The following ITGA1 variants were observed in gnomAD, a reference collection of about 807,000 sequenced individuals.
The protein encoded by ITGA1 is integrin subunit alpha 1, also known as integrin alpha-1.
Under a neutral mutation model 145.9 loss-of-function variants are expected in ITGA1, and 85 were observed. The ratio of observed to expected loss-of-function variants is 0.58; its 90% CI spans 0.49 to 0.70. The LOEUF (loss-of-function observed/expected upper bound fraction) is 0.70. ITGA1 is among the 30% of genes least tolerant of loss of function. ITGA1 has a pLI of 0.00. For synonymous variants in ITGA1, 520 were observed against 495.3 expected (o/e 1.05, Z -0.66); for missense variants, 1,351 against 1,418.7 (o/e 0.95, Z 0.77).
rs763649629 is a variant in ITGA1, at chr5:52,935,957, C to CTTTTT, written c.2965-1412_2965-1408dup. On this transcript the variant is annotated intron_variant, in intron 23 of 28. Transcript: ENST00000282588. ...ATGGTAATTACAGAACACAGGATTT[C>CTTTTT]TTTTTTTTTTTTTTTTTTTTTTTTT... is the stretch of plus-strand genomic sequence containing the variant. Among the ~76,000 whole-genome samples the CTTTTT allele has an allele frequency of 2.1e-4, 2 of 9,548 alleles. 1 individual carries two copies. The highest frequency in any genetic ancestry group is 3.6e-4 in the Non-Finnish European group (2 of 5,492). The allele number at this position is 9,548 out of a possible 152,430, so 6.3% of individuals were successfully genotyped here.
chr5:52,812,654 G>A (rs972584950), intron 1 of ITGA1, among the ~76,000 whole-genome samples: 7 of 152,114 alleles, frequency 4.6e-5, no homozygotes, highest in Non-Finnish European at 7.4e-5. Flanking sequence ...TTAGCTTTGT[G>A]AGCTTCAATT....
chr5:52,948,970 G>A (rs1751176785), intron 28 of ITGA1: 1 of 152,128 alleles, frequency 6.6e-6, no homozygotes, highest in Non-Finnish European at 1.5e-5. Context: ...GTCTGAAAAA[G>A]CATAAATGTA....
At chr5:52,865,890 T>C (rs1749679630) in intron 6 of ITGA1, 73 bp downstream of exon 6, 2 of 1,245,464 alleles carry the variant, frequency 1.6e-6, no homozygotes, top group Admixed American at 5.8e-5. Context: ...AAACCAAATA[T>C]TCTGAAAGCA....
rs1484185197 is a variant in ITGA1 at position 52,955,210 on chromosome 5, A to C, written c.*2759A>C. 1 of 152,058 alleles carries C rather than the reference A, an allele frequency of 6.6e-6. No homozygotes were observed. The highest frequency in any genetic ancestry group is 1.5e-5 in the Non-Finnish European group (1 of 68,004). 9.4% of individuals were successfully genotyped at this position (152,058 alleles called of 1,614,324 possible). A position where few individuals can be genotyped will look rare whatever the true frequency, so the allele number is the denominator to read the frequency against. Reference sequence around the variant, plus strand: ...TATCATTTGCCAATTTCCATGGTCCAAATATTCTCTCTCCATTTTCAAACT... The same window carrying C: ...TATCATTTGCCAATTTCCATGGTCCCAATATTCTCTCTCCATTTTCAAACT... On this transcript the variant is annotated 3_prime_UTR_variant, in exon 29 of 29. Transcript: ENST00000282588.
chr5:52,858,585 A>ATACT lies in ITGA1; in HGVS notation c.183-2860_183-2857dup, dbSNP rs1232514399. On this transcript the variant is annotated intron_variant, in intron 2 of 28. Coordinates refer to ENST00000282588, the MANE Select transcript of ITGA1 (RefSeq NM_181501.2). ...ATTAATTACTCCAGCCTCAAATTAA[A>ATACT]TACTTTCTAAAATCGTAGGCTCATT... Among the ~76,000 whole-genome samples the ATACT allele has an allele frequency of 2.6e-5, 4 of 152,352 alleles. No individual in the cohort carries two copies. The East Asian group carries it at 7.7e-4, about 29-fold the overall frequency.
intron 1 of ITGA1, among the ~76,000 whole-genome samples, chr5:52,838,000 T>G (rs1055619251): frequency 6.6e-6 from 1 of 152,212 alleles, no homozygotes; most frequent in Non-Finnish European, 1.5e-5. Context: ...AAACAAACTT[T>G]AATGCCCTTT....
chr5:52,905,656 T>C (rs1750390807), intron 11 of ITGA1, 107 bp from the exon 12 acceptor site: 1 of 935,710 alleles, frequency 1.1e-6, no homozygotes, highest in African/African-American at 1.7e-5. Context: ...ATTTTCAAAA[T>C]ATAACCATAT....
At chr5:52,835,855 A>G (rs553858736) in intron 1 of ITGA1, among the ~76,000 whole-genome samples, 1 of 152,336 alleles carries the variant, frequency 6.6e-6, no homozygotes, top group South Asian at 2.1e-4. Context: ...GATGTTAGAA[A>G]GCTTTCGAAA....
intron 1 of ITGA1, among the ~76,000 whole-genome samples, chr5:52,797,939 C>CTTT (rs1748376879): frequency 1.3e-5 from 2 of 152,284 alleles, no homozygotes; most frequent in South Asian, 4.1e-4. Context: ...GGCTTTTAAT[C>CTTT]TTTGGCAGAC....
chr5:52,850,704 GA>G (rs1394572000), intron 2 of ITGA1, among the ~76,000 whole-genome samples: 1 of 152,088 alleles, frequency 6.6e-6, no homozygotes, highest in Non-Finnish European at 1.5e-5. Context: ...GTATAAACTA[GA>G]ATTTGTTGAG....
intron 2 of ITGA1, among the ~76,000 whole-genome samples, chr5:52,859,425 A>G (rs777264050): frequency 6.6e-6 from 1 of 152,190 alleles, no homozygotes; most frequent in Non-Finnish European, 1.5e-5. Context: ...AAAATTATGT[A>G]TTAAAGGGTT....
intron 16 of ITGA1, 142 bp downstream of exon 16, chr5:52,919,040 G>GA: frequency 3.1e-5 from 21 of 679,594 alleles, no homozygotes; most frequent in Admixed American, 3.7e-5. Flanking sequence ...GCAGAACCTT[G>GA]AAAAAAAATT....
intron 2 of ITGA1, among the ~76,000 whole-genome samples, chr5:52,857,044 T>C (rs1314043400): frequency 2.0e-5 from 3 of 152,174 alleles, no homozygotes; most frequent in Admixed American, 6.5e-5. Context: ...ACAGGTAAAA[T>C]GGAATCTGCA....
chr5:52,911,381 G>C (rs1265356526), intron 14 of ITGA1, among the ~76,000 whole-genome samples: 1 of 131,914 alleles, frequency 7.6e-6, no homozygotes, highest in African/African-American at 2.7e-5. Flanking sequence ...TGAGTATATA[G>C]TATATATAGT....
rs111711636 is a variant in ITGA1, at chr5:52,955,350, TA to T, written c.*2900del. On this transcript the variant is annotated 3_prime_UTR_variant, in exon 29 of 29. Coordinates refer to ENST00000282588, the MANE Select transcript of ITGA1 (RefSeq NM_181501.2). ...TGAGACAGATTACACGATAGACAGA[TA>T]GATAGATAGATAGATAGATAGATAG... 255 of 5,054 alleles carry T rather than the reference TA, an allele frequency of 0.05. 1 individual carries two copies. The highest frequency in any genetic ancestry group is 0.086 in the African/African-American group (216 of 2,504). 0.3% of individuals were successfully genotyped at this position (5,054 alleles called of 1,614,324 possible). A position where few individuals can be genotyped will look rare whatever the true frequency, so the allele number is the denominator to read the frequency against.
intron 15 of ITGA1, among the ~76,000 whole-genome samples, chr5:52,918,526 C>A (rs1007873672): frequency 6.6e-6 from 1 of 152,124 alleles, no homozygotes. Context: ...CCAAAAGCCC[C>A]AAATGGTTTC....
chr5:52,800,162 T>G (rs1488408385), intron 1 of ITGA1: 1 of 562,684 alleles, frequency 1.8e-6, no homozygotes, highest in Non-Finnish European at 3.2e-6. Context: ...CGCTGCAGTG[T>G]TCCCCGAGCC....
chr5:52,946,885 T>G (rs1315938230), intron 27 of ITGA1, among the ~76,000 whole-genome samples: 11 of 152,212 alleles, frequency 7.2e-5, no homozygotes, highest in Non-Finnish European at 8.8e-5. Context: ...TGCATTATAC[T>G]TTCAATTTAT....
chr5:52,816,695 G>A (rs1021907725), intron 1 of ITGA1, among the ~76,000 whole-genome samples: 1 of 152,136 alleles, frequency 6.6e-6, no homozygotes, highest in Non-Finnish European at 1.5e-5. Flanking sequence ...GTTGGAGCAG[G>A]TCTCAGGGCC....
Sources: allele counts gnomAD v4.1 joint callset (sites outside exome capture counted in the v4.1 genomes callset), GRCh38; gene constraint gnomAD v4.1.1; transcripts MANE v1.5; gene names NCBI Gene and HGNC (gene_info 2026-07-23, HGNC 2026-07-21).